The following POU2F2 variants were observed in gnomAD, a reference collection of about 807,000 sequenced individuals.
POU2F2 encodes the protein POU class 2 homeobox 2, also known as POU domain, class 2, transcription factor 2.
In POU2F2, 14 loss-of-function variants were observed where a neutral mutation model predicts 63.5. The ratio of observed to expected loss-of-function variants is 0.22; its 90% CI spans 0.15 to 0.34. The LOEUF (loss-of-function observed/expected upper bound fraction) is 0.34. Ranked by LOEUF, POU2F2 falls within the 10% of genes least tolerant of loss-of-function variation. The pLI is 1.00. For synonymous variants in POU2F2, 306 were observed against 348.6 expected, an observed-to-expected ratio of 0.88 and a Z score of 1.36; for missense variants, 607 against 815.2, an observed-to-expected ratio of 0.74 and a Z score of 3.11.
At chr19:42,128,840 T>C (rs1224501701) in intron 1 of POU2F2, among the ~76,000 whole-genome samples, 2 of 146,110 alleles carry the variant, frequency 1.4e-5, no homozygotes, top group Admixed American at 6.8e-5. Flanking sequence ...GTGATTCTCT[T>C]TTTTTTTTTT....
chr19:42,128,252 CCAATCCTGTCTAAAA>C (rs2146687418), intron 1 of POU2F2, among the ~76,000 whole-genome samples: 1 of 152,162 alleles, frequency 6.6e-6, no homozygotes, highest in Admixed American at 6.6e-5. Context: ...TGACCAGGGC[CCAATCCTGTCTAAAA>C]CAAACCCCTA....
intron 4 of POU2F2, among the ~76,000 whole-genome samples, chr19:42,120,347 A>G (rs547728834): frequency 2.6e-4 from 39 of 151,868 alleles, no homozygotes; most frequent in African/African-American, 9.4e-4. Context: ...CAGCCTCCCA[A>G]GTAGCTGGGA....
intron 2 of POU2F2, among the ~76,000 whole-genome samples, chr19:42,146,053 GAAAA>G (rs1284392978): frequency 7.5e-6 from 1 of 133,050 alleles, no homozygotes; most frequent in Non-Finnish European, 1.6e-5. Flanking sequence ...AAAAAAAAAA[GAAAA>G]AAAAGAGTTC....
intron 2 of POU2F2, among the ~76,000 whole-genome samples, chr19:42,154,799 C>T (rs979129730): frequency 1.3e-5 from 2 of 152,144 alleles, no homozygotes; most frequent in Non-Finnish European, 2.9e-5. Flanking sequence ...TCCCCATTCC[C>T]CAGGCCAGAA....
chr19:42,173,752 G>C (rs1488653512), intron 1 of POU2F2, among the ~76,000 whole-genome samples: 1 of 151,956 alleles, frequency 6.6e-6, no homozygotes, highest in Admixed American at 6.6e-5. Flanking sequence ...GCGCAACCAA[G>C]ACCCCCAAAG....
chr19:42,153,985 C>T lies in POU2F2; in HGVS notation c.-9+6347G>A, dbSNP rs529181926. Among the ~76,000 whole-genome samples, 4 of 152,170 alleles carry T rather than the reference C, an allele frequency of 2.6e-5. No individual in the cohort carries two copies. Among genetic ancestry groups the T allele is most frequent in the South Asian group, 2.1e-4 (1 of 4,822 alleles). ...TGGGCCCAGGCCCCCGTCCCTCCCC[C>T]GGCACCTTGGGCAGGCTGTACCTCT... On this transcript the variant is annotated intron_variant, in intron 2 of 6. Transcript: ENST00000524801. The surrounding 1 kb of genome is among the most constrained non-coding windows in gnomAD (Gnocchi z 5.6).
At chr19:42,093,378 GGAGGGGAAC>G (rs1225635449) in intron 12 of POU2F2, 1 of 152,522 alleles carries the variant, frequency 6.6e-6, no homozygotes, top group Non-Finnish European at 1.5e-5. Flanking sequence ...CCAGGAAGAG[GGAGGGGAAC>G]TCTGGATACA....
At chr19:42,116,843 A>T (rs1214847914) in intron 5 of POU2F2, 1 of 402,216 alleles carries the variant, frequency 2.5e-6, no homozygotes, top group African/African-American at 2.1e-5. Context: ...GAGGCAGAGG[A>T]GGAGGAGGAG....
intron 5 of POU2F2, 81 bp from the exon 6 acceptor site, chr19:42,099,902 G>A: frequency 8.5e-7 from 1 of 1,170,362 alleles, no homozygotes; most frequent in Non-Finnish European, 1.2e-6. Flanking sequence ...GAACCTTGAG[G>A]GGCTGAAACC....
rs376542543 is a variant in POU2F2 at position 42,119,220 on chromosome 19, A to C, written c.187-1788T>G. 1.2e-4 allele frequency among the ~76,000 whole-genome samples: 18 copies of C among 151,838 alleles called. 1 individual carries two copies. The South Asian group carries it at 3.3e-3, about 28-fold the overall frequency. ...AGTATGAGAAGTCAGGGTAGCAGCT[A>C]TCCCTGGCAGGGGCATTAAGGGCCT... On this transcript the variant is annotated intron_variant, in intron 4 of 14. Coordinates refer to ENST00000692977, the MANE Select transcript of POU2F2 (RefSeq NM_001394376.1).
intron 1 of POU2F2, among the ~76,000 whole-genome samples, chr19:42,182,418 G>C (rs1200869533): frequency 6.6e-6 from 1 of 151,988 alleles, no homozygotes; most frequent in African/African-American, 2.4e-5. Context: ...GAAGCTAGGA[G>C]GAGGAAGGGA....
rs1331907390 is a variant in POU2F2 at position 42,099,507 on chromosome 19, C to T, written c.567+20G>A. The T allele has an allele frequency of 6.3e-7, 1 of 1,584,256 alleles. No individual in the cohort carries two copies. The highest frequency in any genetic ancestry group is 8.7e-7 in the Non-Finnish European group (1 of 1,152,820). On this transcript the variant is annotated intron_variant, in intron 7 of 14. Transcript: ENST00000692977. ...GCCTTGCTGCTGGCCTGGCCTGGTG[C>T]ACTCAATGGACAGTCTCACCTGTGT...
chr19:42,107,361 A>C (rs2030272226), intron 5 of POU2F2, among the ~76,000 whole-genome samples: 1 of 152,152 alleles, frequency 6.6e-6, no homozygotes, highest in Non-Finnish European at 1.5e-5. Context: ...TCTCAAAAAA[A>C]ATTAATTAAT....
At chr19:42,124,249 A>T (rs1170759610) in intron 1 of POU2F2, among the ~76,000 whole-genome samples, 2 of 149,490 alleles carry the variant, frequency 1.3e-5, no homozygotes, top group Non-Finnish European at 3.0e-5. Context: ...GGCTACAGTG[A>T]GCTGTGACTG....
intron 7 of POU2F2, among the ~76,000 whole-genome samples, chr19:42,099,072 T>A (rs1323446177): frequency 6.6e-6 from 1 of 152,250 alleles, no homozygotes; most frequent in Non-Finnish European, 1.5e-5. Context: ...AAGACACCTG[T>A]GGGCCTTGTT....
chr19:42,125,596 C>T (rs1323946681), intron 1 of POU2F2, among the ~76,000 whole-genome samples: 2 of 152,174 alleles, frequency 1.3e-5, no homozygotes, highest in African/African-American at 4.8e-5. Context: ...GACCTTAGCC[C>T]TACTTCAGGC....
intron 2 of POU2F2, among the ~76,000 whole-genome samples, chr19:42,151,463 C>T (rs538184741): frequency 3.3e-5 from 5 of 152,080 alleles, no homozygotes; most frequent in South Asian, 2.1e-4. Flanking sequence ...GCTGGGGGGA[C>T]GCACCTGGGA....
Position 42,122,113 on chromosome 19 carries a change from G to A in POU2F2, c.186+13C>T. 1 of 1,608,916 alleles carries A rather than the reference G, an allele frequency of 6.2e-7. No individual in the cohort carries two copies. The highest frequency in any genetic ancestry group is 8.5e-7 in the Non-Finnish European group (1 of 1,175,348). On this transcript the variant is annotated intron_variant, in intron 4 of 14. Transcript: ENST00000692977. Reference sequence around the variant, plus strand: ...CGCTGCCCACTTCCCTGGCTGTTCTGACAGGTGCTTACCTTTGTACTGGGG... The same window carrying A: ...CGCTGCCCACTTCCCTGGCTGTTCTAACAGGTGCTTACCTTTGTACTGGGG...
chr19:42,172,706 G>T (rs1341840184), intron 1 of POU2F2, among the ~76,000 whole-genome samples: 1 of 152,174 alleles, frequency 6.6e-6, no homozygotes, highest in South Asian at 2.1e-4. Flanking sequence ...ATCACTGATG[G>T]AACGAGCTCA....
Sources: allele counts gnomAD v4.1 joint callset (sites outside exome capture counted in the v4.1 genomes callset), GRCh38; gene constraint gnomAD v4.1.1; non-coding constraint Gnocchi (gnomAD v3.1); transcripts MANE v1.5; gene names NCBI Gene and HGNC (gene_info 2026-07-23, HGNC 2026-07-21).